IFT88: variants seen among roughly 807,000 people sequenced by gnomAD.
The protein encoded by IFT88 is intraflagellar transport protein 88 homolog.
Under a neutral mutation model 119.5 loss-of-function variants are expected in IFT88, and 74 were observed. That is an observed-to-expected ratio of 0.62 (90% CI 0.51 to 0.75). IFT88 has a LOEUF of 0.75. Among genes scored for constraint, IFT88 ranks in the 30% least tolerant of loss-of-function variants. The pLI is 0.00. For missense variants in IFT88, 961 were observed against 977.7 expected, an observed-to-expected ratio of 0.98 and a Z score of 0.23; for synonymous variants, 279 against 316.7, an observed-to-expected ratio of 0.88 and a Z score of 1.26.
chr13:20,637,707 TC>T (rs2049229164), intron 16 of IFT88, among the ~76,000 whole-genome samples: 2 of 152,174 alleles, frequency 1.3e-5, no homozygotes, highest in African/African-American at 2.4e-5. Context: ...GGCCACTGCT[TC>T]AGGTCTGCAT....
At chr13:20,625,714 A>G (rs1254211370) in intron 14 of IFT88, 36 bp from the exon 15 acceptor site, 2 of 1,455,598 alleles carry the variant, frequency 1.4e-6, no homozygotes, top group Admixed American at 2.1e-5. Flanking sequence ...ATACTAAAAC[A>G]AAATCAAGTA....
At position 20,597,096 on chromosome 13, in the gene IFT88, A is replaced by G. The variant is rs2041776244; in HGVS notation, c.571A>G (p.Ile191Val). ...AGAACAAGTTACAACTCCAGAAAAT[A>G]TCAATTTGGATTTAACTTACTCAGT... ...QREQVTTPEN[I>V]NLDLTYSVLF... The change falls in exon 9 of 26, where the codon ATC becomes GTC. Residue 191 changes from isoleucine (I) to valine (V), a missense_variant. By Grantham distance (29) the Ile-to-Val change is conservative. Coordinates refer to ENST00000351808, the MANE Select transcript of IFT88 (RefSeq NM_006531.5). 1.3e-6 allele frequency: 2 copies of G among 1,592,798 alleles called. No homozygotes were observed. The highest frequency in any genetic ancestry group is 1.1e-5 in the South Asian group (1 of 87,950).
chr13:20,625,806 TAAAC>T lies in IFT88; in HGVS notation c.1260_1263del (p.Asn420LysfsTer6), dbSNP rs2139958113. Reference sequence around the variant, plus strand: ...GTAGAGCTAGCCAATGATCTGGAAATAAACAAAGCAGTTACATACTTGAGACAAA... The same window carrying T: ...GTAGAGCTAGCCAATGATCTGGAAATAAAGCAGTTACATACTTGAGACAAA... On this transcript the variant is annotated frameshift_variant, in exon 15 of 26. Transcript: ENST00000351808. LOFTEE classifies it high-confidence loss of function. 4 of 1,604,376 alleles carry T rather than the reference TAAAC, an allele frequency of 2.5e-6. No homozygotes were observed. Among genetic ancestry groups the T allele is most frequent in the East Asian group, 2.3e-5 (1 of 44,236 alleles).
intron 2 of IFT88, among the ~76,000 whole-genome samples, chr13:20,576,557 A>T (rs1380278191): frequency 6.6e-6 from 1 of 152,128 alleles, no homozygotes; most frequent in East Asian, 1.9e-4. Context: ...ATGGTGAGAG[A>T]TAAGGGTCTA....
chr13:20,689,507 G>T (rs1471112084), intron 24 of IFT88, among the ~76,000 whole-genome samples: 1 of 152,098 alleles, frequency 6.6e-6, no homozygotes, highest in African/African-American at 2.4e-5. Context: ...TGGAGACATT[G>T]GTTGTCATAT....
intron 22 of IFT88, among the ~76,000 whole-genome samples, chr13:20,660,414 A>G (rs1256400447): frequency 1.3e-5 from 2 of 152,112 alleles, no homozygotes; most frequent in African/African-American, 4.8e-5. Context: ...CCATTGGAGG[A>G]TTTTGTGTGG....
intron 14 of IFT88, 56 bp downstream of exon 14, chr13:20,615,935 TTTTAAA>T (rs2045537077): frequency 7.4e-6 from 7 of 947,690 alleles, no homozygotes; most frequent in East Asian, 2.8e-5. Context: ...TAATTTATAC[TTTTAAA>T]TTTAAATTAA....
chr13:20,639,865 T>G (rs2049603033), intron 17 of IFT88, among the ~76,000 whole-genome samples: 1 of 146,184 alleles, frequency 6.8e-6, no homozygotes, highest in South Asian at 2.3e-4. Flanking sequence ...CTCAGCTCAC[T>G]GCAACCTCCA....
intron 20 of IFT88, among the ~76,000 whole-genome samples, chr13:20,652,213 C>T (rs957546732): frequency 1.3e-5 from 2 of 151,984 alleles, no homozygotes; most frequent in Admixed American, 6.6e-5. Context: ...TAAATTTTGG[C>T]AAATGTTATG....
chr13:20,668,986 C>T (rs2055283867), intron 23 of IFT88, among the ~76,000 whole-genome samples: 1 of 152,158 alleles, frequency 6.6e-6, no homozygotes, highest in Admixed American at 6.5e-5. Flanking sequence ...TGAGGCTTGC[C>T]TGGTTTTTGT....
At chr13:20,687,940 G>C (rs2058110650) in intron 24 of IFT88, among the ~76,000 whole-genome samples, 1 of 152,124 alleles carries the variant, frequency 6.6e-6, no homozygotes, top group East Asian at 1.9e-4. Context: ...AAGAGATAAG[G>C]CCTGGGGCCT....
At position 20,570,774 on chromosome 13, in the gene IFT88, C is replaced by T. The variant is rs186492095; in HGVS notation, c.-7+3518C>T. ...GGATGATGAAAGTGTTCTGGAATTA[C>T]ATACTGGGGATGGTTGCACAACCTT... On this transcript the variant is annotated intron_variant, in intron 1 of 25. Coordinates refer to ENST00000351808, the MANE Select transcript of IFT88 (RefSeq NM_006531.5). Among the ~76,000 whole-genome samples, 124 of 152,112 alleles carry T rather than the reference C, an allele frequency of 8.2e-4. 1 individual carries two copies. The highest frequency in any genetic ancestry group is 2.9e-3 in the African/African-American group (122 of 41,512).
At chr13:20,669,580 C>T (rs1270500762) in intron 23 of IFT88, among the ~76,000 whole-genome samples, 3 of 151,992 alleles carry the variant, frequency 2.0e-5, no homozygotes, top group African/African-American at 7.3e-5. Flanking sequence ...CCTGCCACCA[C>T]ACCCGGCTAA....
At chr13:20,607,282 C>T (rs750232069) in intron 13 of IFT88, 23 of 433,566 alleles carry the variant, frequency 5.3e-5, no homozygotes, top group Admixed American at 8.7e-5. Flanking sequence ...ACCCGTACTG[C>T]GTGCTGCCAC....
intron 23 of IFT88, among the ~76,000 whole-genome samples, chr13:20,666,007 C>G (rs1348795517): frequency 1.3e-5 from 2 of 152,196 alleles, no homozygotes; most frequent in African/African-American, 2.4e-5. Flanking sequence ...ATTTTGTTTT[C>G]TCTTGAATTT....
At chr13:20,610,436 A>G (rs1310214486) in intron 13 of IFT88, among the ~76,000 whole-genome samples, 1 of 152,102 alleles carries the variant, frequency 6.6e-6, no homozygotes, top group East Asian at 1.9e-4. Context: ...CTCACTAGGG[A>G]ATGACAGGAA....
intron 16 of IFT88, chr13:20,631,986 T>G (rs1321848590): frequency 1.5e-5 from 2 of 137,620 alleles, no homozygotes; most frequent in African/African-American, 5.1e-5. Context: ...CTACAAAAAG[T>G]TCAAAAAATT....
Position 20,601,692 on chromosome 13 carries a change from C to T in IFT88, c.813-13C>T. 6.5e-7 allele frequency: 1 copy of T among 1,538,890 alleles called. No homozygotes were observed. The highest frequency in any genetic ancestry group is 2.3e-5 in the East Asian group (1 of 44,308). ...TCAGAATTTTAAAGCTAATCCATGT[C>T]TTTTTCTTTTAGGATTAAAATAATG... On this transcript the variant is annotated splice_polypyrimidine_tract_variant and intron_variant, in intron 11 of 25. Coordinates refer to ENST00000351808, the MANE Select transcript of IFT88 (RefSeq NM_006531.5).
chr13:20,620,838 CTT>C (rs1446722918), intron 14 of IFT88, among the ~76,000 whole-genome samples: 1 of 152,050 alleles, frequency 6.6e-6, no homozygotes, highest in Non-Finnish European at 1.5e-5. Flanking sequence ...TGGTAGGACA[CTT>C]TTTGAATGGA....
Sources: allele counts gnomAD v4.1 joint callset (sites outside exome capture counted in the v4.1 genomes callset), GRCh38; gene constraint gnomAD v4.1.1; transcripts MANE v1.5; gene names NCBI Gene and HGNC (gene_info 2026-07-23, HGNC 2026-07-21).